Variants in LRRTM4 observed in about 807,000 individuals in gnomAD.
LRRTM4 encodes the protein leucine-rich repeat transmembrane neuronal protein 4.
LRRTM4 carries 25 observed loss-of-function variants against 47.6 expected under a neutral mutation model. The observed-to-expected ratio is 0.53, with a 90% confidence interval of 0.38 to 0.73. The LOEUF (loss-of-function observed/expected upper bound fraction) is 0.73. Among genes scored for constraint, LRRTM4 ranks in the 30% least tolerant of loss-of-function variants. The pLI is 0.00. For synonymous variants in LRRTM4, 311 were observed against 269.5 expected, an observed-to-expected ratio of 1.15 and a Z score of -1.51; for missense variants, 638 against 713.4, an observed-to-expected ratio of 0.89 and a Z score of 1.20.
chr2:76,827,261 A>G (rs1671214749), intron 3 of LRRTM4, among the ~76,000 whole-genome samples: 3 of 151,812 alleles, frequency 2.0e-5, no homozygotes, highest in South Asian at 2.1e-4. Context: ...GACATTTTAG[A>G]TAGCAAGGTT....
At chr2:76,873,676 T>C (rs1672702219) in intron 3 of LRRTM4, among the ~76,000 whole-genome samples, 4 of 151,492 alleles carry the variant, frequency 2.6e-5, no homozygotes, top group African/African-American at 9.7e-5. Flanking sequence ...GACCCTGACA[T>C]GTGTGAGATG....
At chr2:77,048,052 G>A (rs11885977) in intron 3 of LRRTM4, among the ~76,000 whole-genome samples, 2,661 of 151,916 alleles carry the variant, frequency 0.018, 80 homozygotes, top group African/African-American at 0.061. Flanking sequence ...CATATCTCTC[G>A]ATTATCTCAT....
intron 3 of LRRTM4, among the ~76,000 whole-genome samples, chr2:77,089,736 T>C (rs1387951938): frequency 6.6e-6 from 1 of 152,126 alleles, no homozygotes; most frequent in African/African-American, 2.4e-5. Context: ...CTAAATGCCT[T>C]ATTTTCTTCT....
At chr2:77,148,526 A>G (rs1168874088) in intron 3 of LRRTM4, among the ~76,000 whole-genome samples, 1 of 152,174 alleles carries the variant, frequency 6.6e-6, no homozygotes, top group East Asian at 1.9e-4. Flanking sequence ...ACTTTGTTGC[A>G]TTTGAACATT....
intron 3 of LRRTM4, among the ~76,000 whole-genome samples, chr2:77,136,212 C>T (rs1252629940): frequency 6.6e-6 from 1 of 152,182 alleles, no homozygotes; most frequent in East Asian, 1.9e-4. Flanking sequence ...AGTAGCCTAA[C>T]TGGGAGGCAC....
intron 3 of LRRTM4, among the ~76,000 whole-genome samples, chr2:76,790,270 TATGGGGATATGGTGCAGGATCTTC>T (rs1417877753): frequency 1.3e-5 from 2 of 152,258 alleles, no homozygotes; most frequent in South Asian, 2.1e-4. Flanking sequence ...AGTACGGTGG[TATGGGGATATGGTGCAGGATCTTC>T]ATGGATTGCC....
intron 3 of LRRTM4, among the ~76,000 whole-genome samples, chr2:77,000,511 CTAACTTT>C (rs910943811): frequency 1.3e-5 from 2 of 152,142 alleles, no homozygotes; most frequent in Non-Finnish European, 2.9e-5. Flanking sequence ...TAAGCAACTT[CTAACTTT>C]TAACATTAAG....
At position 76,804,784 on chromosome 2, in the gene LRRTM4, A is replaced by G. The variant is rs190459368; in HGVS notation, c.1552-55868T>C. Among the ~76,000 whole-genome samples the G allele has an allele frequency of 5.3e-4, 80 of 149,944 alleles. 1 individual carries two copies. The East Asian group carries it at 0.012, about 22-fold the overall frequency. ...TAACAATATATATATCATGTTTTAT[A>G]TATATATCATTGTTTTATAACAAAT... On this transcript the variant is annotated intron_variant, in intron 3 of 3. Transcript: ENST00000409884.
chr2:77,334,452 G>A (rs959772380), intron 3 of LRRTM4, among the ~76,000 whole-genome samples: 13 of 152,118 alleles, frequency 8.5e-5, no homozygotes, highest in African/African-American at 2.9e-4. Flanking sequence ...TTCCCGGGCT[G>A]TTCTCATGAT....
At chr2:76,928,510 G>C (rs1022793941) in intron 3 of LRRTM4, among the ~76,000 whole-genome samples, 9 of 152,100 alleles carry the variant, frequency 5.9e-5, no homozygotes, top group Admixed American at 5.9e-4. Context: ...AACAATCAGT[G>C]GTGAAAGATC....
chr2:77,314,389 A>G (rs1187058219), intron 3 of LRRTM4, among the ~76,000 whole-genome samples: 1 of 152,192 alleles, frequency 6.6e-6, no homozygotes, highest in African/African-American at 2.4e-5. Context: ...AACAAAATGC[A>G]TATCAACAGA....
At chr2:77,394,692 T>C (rs1474379566) in intron 3 of LRRTM4, among the ~76,000 whole-genome samples, 2 of 151,986 alleles carry the variant, frequency 1.3e-5, no homozygotes, top group Non-Finnish European at 2.9e-5. Context: ...TGAATGAACA[T>C]GCAGGTTACG....
intron 3 of LRRTM4, among the ~76,000 whole-genome samples, chr2:77,128,749 C>T (rs953750355): frequency 7.2e-5 from 11 of 152,164 alleles, no homozygotes; most frequent in Admixed American, 5.2e-4. Context: ...AAGCGATTCT[C>T]CTCCCTCAGC....
chr2:76,882,999 G>T lies in LRRTM4; in HGVS notation c.1552-134083C>A, dbSNP rs151334815. On this transcript the variant is annotated intron_variant, in intron 3 of 3. Coordinates refer to ENST00000409884, the MANE Select transcript of LRRTM4 (RefSeq NM_001134745.3). ...TCTGTGCTGCTACCAGACCAAGCTG[G>T]CTCCACTCTGCCAGCCAGGTAAAGT... 3.2e-3 allele frequency among the ~76,000 whole-genome samples: 486 copies of T among 152,158 alleles called. 2 individuals carry two copies. Among genetic ancestry groups the T allele is most frequent in the Non-Finnish European group, 5.5e-3 (372 of 68,008 alleles).
chr2:77,045,818 A>C (rs1004070722), intron 3 of LRRTM4, among the ~76,000 whole-genome samples: 5 of 151,948 alleles, frequency 3.3e-5, no homozygotes, highest in African/African-American at 1.2e-4. Flanking sequence ...GAAAATGGAC[A>C]AGCACAGCAT....
At chr2:77,088,692 T>C (rs1282193305) in intron 3 of LRRTM4, among the ~76,000 whole-genome samples, 2 of 152,290 alleles carry the variant, frequency 1.3e-5, no homozygotes, top group East Asian at 1.9e-4. Flanking sequence ...TGCCGTGACT[T>C]GGATCAGGGG....
At chr2:76,779,363 T>A (rs963695134) in intron 3 of LRRTM4, among the ~76,000 whole-genome samples, 2 of 151,112 alleles carry the variant, frequency 1.3e-5, no homozygotes, top group Non-Finnish European at 3.0e-5. Context: ...CAGTGGGGTG[T>A]TAAAGTCTCC....
At chr2:77,048,701 A>T (rs113838770) in intron 3 of LRRTM4, among the ~76,000 whole-genome samples, 6 of 149,822 alleles carry the variant, frequency 4.0e-5, no homozygotes, top group Non-Finnish European at 7.5e-5. Context: ...ATACATGCAT[A>T]CCATATGTAA....
intron 3 of LRRTM4, among the ~76,000 whole-genome samples, chr2:76,809,070 AT>A (rs1670650150): frequency 6.6e-6 from 1 of 152,068 alleles, no homozygotes; most frequent in Non-Finnish European, 1.5e-5. Flanking sequence ...ATTTCAAACG[AT>A]TTTTCCCCTG....
Sources: allele counts gnomAD v4.1 joint callset (sites outside exome capture counted in the v4.1 genomes callset), GRCh38; gene constraint gnomAD v4.1.1; transcripts MANE v1.5; gene names NCBI Gene and HGNC (gene_info 2026-07-23, HGNC 2026-07-21).